Variants in ATF6 observed in about 807,000 individuals in gnomAD.
The protein encoded by ATF6 is activating transcription factor 6.
A neutral mutation model predicts 83.6 loss-of-function variants in ATF6; 53 were observed. The ratio of observed to expected loss-of-function variants is 0.63; its 90% CI spans 0.51 to 0.80. ATF6 has a LOEUF of 0.80. ATF6 is among the 30% of genes least tolerant of loss of function. The pLI is 0.00. For synonymous variants in ATF6, 288 were observed against 285.8 expected (o/e 1.01, Z -0.08); for missense variants, 744 against 797.9 (o/e 0.93, Z 0.81).
At chr1:161,937,576 C>T (rs1365391729) in intron 15 of ATF6, among the ~76,000 whole-genome samples, 1 of 151,974 alleles carries the variant, frequency 6.6e-6, no homozygotes, top group Non-Finnish European at 1.5e-5. Context: ...TATAAAAAGA[C>T]AAAGGACTTT....
At chr1:161,825,582 T>A (rs1270052628) in intron 9 of ATF6, among the ~76,000 whole-genome samples, 3 of 152,176 alleles carry the variant, frequency 2.0e-5, no homozygotes, top group Non-Finnish European at 4.4e-5. Context: ...CTGGTTTTAT[T>A]ATAAAGGATA....
chr1:161,954,871 A>G (rs1225339967), intron 15 of ATF6, among the ~76,000 whole-genome samples: 2 of 152,138 alleles, frequency 1.3e-5, no homozygotes, highest in Admixed American at 1.3e-4. Context: ...CTGTTTACTC[A>G]GAAAGCCCAG....
chr1:161,958,575 C>T lies in ATF6; in HGVS notation c.1934C>T (p.Thr645Ile), dbSNP rs753665610. The T allele has an allele frequency of 1.2e-6, 2 of 1,614,070 alleles. No individual in the cohort carries two copies. The highest frequency in any genetic ancestry group is 1.3e-5 in the African/African-American group (1 of 75,018). The change falls in exon 16 of 16, where the codon ACC becomes ATC. Residue 645 changes from threonine to isoleucine, a missense_variant. Physicochemically the swap from Thr to Ile is moderately conservative, Grantham distance 89. Transcript: ENST00000367942. ...PYLRDQQRNQ[T>I]NTFFGSPPAA... ...CTCCGAGATCAGCAGAGGAATCAAA[C>T]CAACACCTTCTTTGGCTCCCCTCCC...
In ATF6 at chr1:161,846,576, T is replaced by C. The variant is rs1481909619; in HGVS notation, c.1315T>C (p.Tyr439His). The change falls in exon 10 of 16, where the codon TAC (tyrosine) becomes CAC (histidine). Residue 439 changes from tyrosine to histidine, a missense_variant. Tyr to His is a moderately conservative substitution (Grantham distance 83). Coordinates refer to ENST00000367942, the MANE Select transcript of ATF6 (RefSeq NM_007348.4). ...TSDGIIQKNS[Y>H]RYDHSVSNDK... is the part of the protein sequence containing the mutation. ...AGATGGTATTATCCAGAAAAACAGC[T>C]ACAGGTAAGATGGCATGCATCTATC... The C allele has an allele frequency of 1.2e-6, 2 of 1,601,708 alleles. No homozygotes were observed. The highest frequency in any genetic ancestry group is 1.7e-6 in the Non-Finnish European group (2 of 1,174,016).
At chr1:161,944,585 A>T (rs557425257) in intron 15 of ATF6, among the ~76,000 whole-genome samples, 1 of 152,218 alleles carries the variant, frequency 6.6e-6, no homozygotes, top group South Asian at 2.1e-4. Flanking sequence ...TCTTTCCCCT[A>T]CATTTGTGCA....
At chr1:161,781,732 T>C (rs980153360) in intron 2 of ATF6, among the ~76,000 whole-genome samples, 180 bp from the exon 3 acceptor site, 3 of 152,224 alleles carry the variant, frequency 2.0e-5, no homozygotes, top group Non-Finnish European at 4.4e-5. Flanking sequence ...AGTAACTGAA[T>C]TGATTTTATC....
chr1:161,895,458 A>T (rs1055480653), intron 14 of ATF6, among the ~76,000 whole-genome samples: 2 of 152,214 alleles, frequency 1.3e-5, no homozygotes, highest in Non-Finnish European at 2.9e-5. Context: ...CTGCATTTAA[A>T]TCCAATCTAA....
At chr1:161,812,150 C>T (rs1685480713) in intron 7 of ATF6, among the ~76,000 whole-genome samples, 1 of 152,030 alleles carries the variant, frequency 6.6e-6, no homozygotes, top group South Asian at 2.1e-4. Context: ...TAAATACTCT[C>T]TTTAAATCTT....
intron 10 of ATF6, among the ~76,000 whole-genome samples, chr1:161,847,609 T>C (rs1686515458): frequency 6.6e-6 from 1 of 152,166 alleles, no homozygotes; most frequent in Non-Finnish European, 1.5e-5. Context: ...CTTCTTAAAA[T>C]ATTCACCTTG....
At chr1:161,932,932 CCT>C (rs1688463318) in intron 15 of ATF6, among the ~76,000 whole-genome samples, 1 of 152,214 alleles carries the variant, frequency 6.6e-6, no homozygotes, top group Non-Finnish European at 1.5e-5. Flanking sequence ...GCCATATGCG[CCT>C]CTCTATGAGA....
intron 15 of ATF6, among the ~76,000 whole-genome samples, chr1:161,926,640 C>T (rs992264004): frequency 2.4e-4 from 37 of 152,180 alleles, no homozygotes; most frequent in African/African-American, 7.7e-4. Context: ...GACCAACCCT[C>T]GTACATTGTG....
At chr1:161,802,732 CATA>C (rs1685187222) in intron 7 of ATF6, among the ~76,000 whole-genome samples, 1 of 152,174 alleles carries the variant, frequency 6.6e-6, no homozygotes, top group African/African-American at 2.4e-5. Flanking sequence ...TTCACCACTT[CATA>C]ATGATGACTA....
chr1:161,790,748 T>C (rs1250398289), intron 4 of ATF6, among the ~76,000 whole-genome samples: 1 of 151,764 alleles, frequency 6.6e-6, no homozygotes, highest in Non-Finnish European at 1.5e-5. Context: ...GAGGCAGAGG[T>C]TGCAGTGAGC....
At chr1:161,948,053 A>G (rs1472748778) in intron 15 of ATF6, among the ~76,000 whole-genome samples, 5 of 151,638 alleles carry the variant, frequency 3.3e-5, no homozygotes, top group African/African-American at 1.2e-4. Context: ...CGAACTCCTG[A>G]CCTCAAGTGA....
At chr1:161,860,405 C>CT (rs1686857999) in intron 13 of ATF6, 128 bp downstream of exon 13, 1 of 298,058 alleles carries the variant, frequency 3.4e-6, no homozygotes, top group East Asian at 6.1e-5. Context: ...GTCATATACT[C>CT]TAAGATATAT....
intron 15 of ATF6, among the ~76,000 whole-genome samples, chr1:161,957,340 C>G (rs969784801): frequency 6.6e-6 from 1 of 152,192 alleles, no homozygotes; most frequent in Non-Finnish European, 1.5e-5. Context: ...CAGCCCCACA[C>G]CCCGCTCTGG....
intron 15 of ATF6, among the ~76,000 whole-genome samples, chr1:161,932,284 A>C (rs1688450161): frequency 6.6e-6 from 1 of 152,152 alleles, no homozygotes; most frequent in Admixed American, 6.5e-5. Flanking sequence ...ATATTATTTT[A>C]CAGCCTCATT....
chr1:161,873,919 A>G (rs1687162958), intron 14 of ATF6, among the ~76,000 whole-genome samples: 1 of 151,706 alleles, frequency 6.6e-6, no homozygotes, highest in Admixed American at 6.6e-5. Flanking sequence ...TACCAAATCC[A>G]TCAGTTTGAC....
At chr1:161,868,240 G>A (rs1687050865) in intron 14 of ATF6, among the ~76,000 whole-genome samples, 1 of 152,026 alleles carries the variant, frequency 6.6e-6, no homozygotes, top group Non-Finnish European at 1.5e-5. Context: ...CATCTCTTAC[G>A]CAGAGAATTA....
Sources: gnomAD v4.1 joint callset for allele counts (sites outside exome capture counted in the v4.1 genomes callset) on GRCh38, gnomAD v4.1.1 for gene constraint, MANE v1.5 for transcripts, NCBI Gene and HGNC (gene_info 2026-07-23, HGNC 2026-07-21) for gene names.